Variants in ZRANB3 observed in about 807,000 individuals in gnomAD.
ZRANB3 encodes the protein DNA annealing helicase and endonuclease ZRANB3.
ZRANB3 carries 125 observed loss-of-function variants against 133.8 expected under a neutral mutation model. That is an observed-to-expected ratio of 0.93 (90% CI 0.81 to 1.08). The LOEUF is 1.08. Ranked by LOEUF, ZRANB3 falls within the 50% of genes least tolerant of loss-of-function variation. The pLI is 0.00. For missense variants in ZRANB3, 1,229 were observed against 1,275.5 expected (o/e 0.96, Z 0.56); for synonymous variants, 387 against 432.7 (o/e 0.89, Z 1.31).
intron 2 of ZRANB3, among the ~76,000 whole-genome samples, chr2:135,403,393 G>A (rs997518114): frequency 6.6e-6 from 1 of 152,234 alleles, no homozygotes; most frequent in South Asian, 2.1e-4. Flanking sequence ...GAAGGCGGCA[G>A]CAAGGCTGGG....
At chr2:135,356,612 C>A (rs1470279751) in intron 3 of ZRANB3, among the ~76,000 whole-genome samples, 1 of 152,156 alleles carries the variant, frequency 6.6e-6, no homozygotes, top group Non-Finnish European at 1.5e-5. Flanking sequence ...TCTATTAAAT[C>A]TACTAGAATT....
chr2:135,213,418 T>C (rs1289167575), intron 17 of ZRANB3, among the ~76,000 whole-genome samples: 2 of 152,182 alleles, frequency 1.3e-5, no homozygotes, highest in Non-Finnish European at 2.9e-5. Context: ...CTTTCAGAGA[T>C]ACATGGTTAT....
intron 2 of ZRANB3, among the ~76,000 whole-genome samples, chr2:135,499,106 TG>T (rs1692819883): frequency 1.3e-5 from 2 of 152,128 alleles, no homozygotes; most frequent in Admixed American, 1.3e-4. Context: ...TTTTGCAGCT[TG>T]GGGGGCATCA....
intron 8 of ZRANB3, among the ~76,000 whole-genome samples, chr2:135,279,105 AAAG>A (rs953416666): frequency 7.9e-5 from 12 of 152,220 alleles, no homozygotes; most frequent in African/African-American, 2.7e-4. Context: ...AGCTGAAAGA[AAAG>A]AAGGTTGTTG....
chr2:135,238,062 C>T (rs963388257), intron 12 of ZRANB3, among the ~76,000 whole-genome samples: 3 of 152,144 alleles, frequency 2.0e-5, no homozygotes, highest in Non-Finnish European at 2.9e-5. Flanking sequence ...TACATCATTG[C>T]ATGTTTTTCA....
chr2:135,251,918 C>T (rs1573762268), intron 12 of ZRANB3, among the ~76,000 whole-genome samples: 2 of 152,078 alleles, frequency 1.3e-5, no homozygotes, highest in East Asian at 3.8e-4. Context: ...GCCTGTAGTC[C>T]CAGCTACTCG....
At chr2:135,350,287 G>T in intron 4 of ZRANB3, 72 bp from the exon 5 acceptor site, 1 of 1,120,958 alleles carries the variant, frequency 8.9e-7, no homozygotes, top group Non-Finnish European at 1.3e-6. Context: ...CAACTCTCTT[G>T]GGAAAAAATA....
At chr2:135,413,612 G>A (rs754843676) in intron 2 of ZRANB3, among the ~76,000 whole-genome samples, 13 of 152,158 alleles carry the variant, frequency 8.5e-5, no homozygotes, top group Admixed American at 2.0e-4. Context: ...CTAGGAAACT[G>A]AGTACAGAGA....
rs185122836 is a variant in ZRANB3, at chr2:135,381,621, T to G, written c.180+9181A>C. Among the ~76,000 whole-genome samples the G allele has an allele frequency of 8.7e-4, 133 of 152,232 alleles. 1 individual carries two copies. Among genetic ancestry groups the G allele is most frequent in the African/African-American group, 3.1e-3 (130 of 41,552 alleles). ...AGTAGGGGCAGACTGACACCACACATGGCCGGGTATCCCTCAGAGATGAAA... is the reference window on the plus strand; with the variant it reads ...AGTAGGGGCAGACTGACACCACACAGGGCCGGGTATCCCTCAGAGATGAAA... On this transcript the variant is annotated intron_variant, in intron 3 of 20. Coordinates refer to ENST00000264159, the MANE Select transcript of ZRANB3 (RefSeq NM_032143.4).
rs1307363622 is a variant in ZRANB3 at position 135,202,857 on chromosome 2, G to A, written c.3116C>T (p.Thr1039Ile). The A allele has an allele frequency of 6.2e-7, 1 of 1,609,628 alleles. No homozygotes were observed. The highest frequency in any genetic ancestry group is 8.5e-7 in the Non-Finnish European group (1 of 1,178,020). ...CTCTTTGTGACAGACTGTGCAGAGA[G>A]TCTGCAGGTTGTCCAGGGAACACTG... ...GGQCSLDNLQ[T>I]LCTVCHKERT... The change falls in exon 20 of 21, where the codon ACT becomes ATT. Residue 1039 changes from threonine to isoleucine, a missense_variant. Thr to Ile is a moderately conservative substitution (Grantham distance 89). Coordinates refer to ENST00000264159, the MANE Select transcript of ZRANB3 (RefSeq NM_032143.4).
At chr2:135,357,232 T>C (rs1422783350) in intron 3 of ZRANB3, among the ~76,000 whole-genome samples, 1 of 152,006 alleles carries the variant, frequency 6.6e-6, no homozygotes, top group African/African-American at 2.4e-5. Context: ...CCTGAGTACC[T>C]GGGGACTACA....
At chr2:135,305,144 ATG>A (rs1190456124) in intron 8 of ZRANB3, among the ~76,000 whole-genome samples, 3 of 152,016 alleles carry the variant, frequency 2.0e-5, no homozygotes, top group Non-Finnish European at 4.4e-5. Flanking sequence ...TGCCCGGCTA[ATG>A]TTTATATTTC....
intron 8 of ZRANB3, among the ~76,000 whole-genome samples, chr2:135,286,793 T>G (rs1424074667): frequency 6.6e-6 from 1 of 152,214 alleles, no homozygotes; most frequent in South Asian, 2.1e-4. Context: ...CTGACTTGTT[T>G]GAGTTCCTTG....
At chr2:135,465,084 T>C (rs1433504696) in intron 2 of ZRANB3, among the ~76,000 whole-genome samples, 2 of 152,184 alleles carry the variant, frequency 1.3e-5, no homozygotes, top group East Asian at 3.8e-4. Context: ...TGAAATGGTA[T>C]ACTCAGTTCC....
At chr2:135,353,411 G>A (rs747034287) in intron 4 of ZRANB3, 39 bp downstream of exon 4, 199 of 1,433,922 alleles carry the variant, frequency 1.4e-4, no homozygotes, top group Non-Finnish European at 1.8e-4. Context: ...TACACACAAG[G>A]AAGACTTTTC....
In ZRANB3 at chr2:135,271,868, T is replaced by A; in HGVS notation, c.1106A>T (p.Asp369Val). Residue 369 changes from aspartate (D) to valine (V), a missense_variant, in exon 10 of 21, where the codon GAT becomes GTT. Transcript: ENST00000264159. ...IENKTRYIRIDGSVSSSERIH... is the reference protein window; with the variant it reads ...IENKTRYIRIVGSVSSSERIH... ...TCTTTCTGAAGATGAAACACTTCCA[T>A]CTATCCTAATGTAACGAGTCTAGCA... is the stretch of plus-strand genomic sequence containing the variant. 6.2e-7 allele frequency: 1 copy of A among 1,613,594 alleles called. No individual in the cohort carries two copies. The highest frequency in any genetic ancestry group is 1.1e-5 in the South Asian group (1 of 90,978).
intron 2 of ZRANB3, among the ~76,000 whole-genome samples, chr2:135,498,840 C>T (rs999363222): frequency 1.2e-4 from 18 of 152,258 alleles, no homozygotes; most frequent in East Asian, 1.9e-4. Context: ...CTTATCAGGA[C>T]GAGGAAATTC....
In ZRANB3 at chr2:135,399,162, T is replaced by C. The variant is rs189131816; in HGVS notation, c.162-8342A>G. 3.9e-5 allele frequency among the ~76,000 whole-genome samples: 6 copies of C among 152,324 alleles called. No individual in the cohort carries two copies. In the East Asian group the frequency reaches 1.2e-3, roughly 29 times the overall value. The stretch of plus-strand genomic sequence containing the variant: ...AACAGTAAAAAGGCACAATAGAATA[T>C]ACAGTGAAATGTTTCTCTTCCCCCT... On this transcript the variant is annotated intron_variant, in intron 2 of 20. Transcript: ENST00000264159.
Position 135,433,787 on chromosome 2 carries a change from G to C in ZRANB3, c.162-42967C>G, listed in dbSNP as rs148059714. On this transcript the variant is annotated intron_variant, in intron 2 of 20. Coordinates refer to ENST00000264159, the MANE Select transcript of ZRANB3 (RefSeq NM_032143.4). ...CGAGGCGAGCGGATCACGAGGTCAG[G>C]AGATCGAGACCATCTTGGCCAACCT... Among the ~76,000 whole-genome samples the C allele has an allele frequency of 3.0e-3, 451 of 152,300 alleles. 3 individuals carry two copies. Among genetic ancestry groups the C allele is most frequent in the African/African-American group, 0.01 (420 of 41,574 alleles).
Sources: allele counts gnomAD v4.1 joint callset (sites outside exome capture counted in the v4.1 genomes callset), GRCh38; gene constraint gnomAD v4.1.1; transcripts MANE v1.5; gene names NCBI Gene and HGNC (gene_info 2026-07-23, HGNC 2026-07-21).